Variants in KYAT3 observed in about 807,000 individuals in gnomAD.
The protein encoded by KYAT3 is kynurenine aminotransferase 3.
In KYAT3, 50 loss-of-function variants were observed where a neutral mutation model predicts 59.0. The observed-to-expected ratio is 0.85, with a 90% CI of 0.68 to 1.07. The LOEUF is 1.07. Among genes scored for constraint, KYAT3 ranks in the 50% least tolerant of loss-of-function variants. The probability of loss-of-function intolerance (pLI) is 0.00; values close to 1 mark genes in which losing one functional copy is unlikely to be tolerated. For synonymous variants in KYAT3, 148 were observed against 177.0 expected (o/e 0.84, Z 1.30); for missense variants, 497 against 533.3 (o/e 0.93, Z 0.67).
At chr1:88,926,907 T>C in the KYAT3 span, among the ~76,000 whole-genome samples, 1 of 152,124 alleles carries the variant, frequency 6.6e-6, no homozygotes, top group African/African-American at 2.4e-5. Flanking sequence ...TGTTATGAAA[T>C]ACTCAGGAAC....
rs145512545 is a variant in KYAT3, at chr1:88,979,916, C to T, written c.99+8336G>A. 48 of 152,238 alleles carry T rather than the reference C, an allele frequency of 3.2e-4. No individual in the cohort carries two copies. In the East Asian group the frequency reaches 9.3e-3, roughly 29 times the overall value. 9.4% of individuals were successfully genotyped at this position (152,238 alleles called of 1,614,324 possible). On this transcript the variant is annotated intron_variant, in intron 2 of 13. Transcript: ENST00000260508. ...CAGTAGCCCCAAACTGGAAACAATC[C>T]CAAGGTCCATCAACAGGTGAGTAGA...
In KYAT3 at chr1:88,965,107, T is replaced by G. The variant is rs1676296272; in HGVS notation, c.304-129A>C. ...ATGTTTATAATTACCCCAAGAAAAT[T>G]TATATTTTTTAATGGCAATAAATTT... On this transcript the variant is annotated intron_variant, in intron 4 of 13. Transcript: ENST00000260508. 5 of 658,410 alleles carry G rather than the reference T, an allele frequency of 7.6e-6. No homozygotes were observed. In the East Asian group the frequency reaches 1.6e-4, roughly 21 times the overall value. 40.8% of individuals were successfully genotyped at this position (658,410 alleles called of 1,614,324 possible). A position where few individuals can be genotyped will look rare whatever the true frequency, so the allele number is the denominator to read the frequency against.
At chr1:88,945,668 G>A (rs1319183911) in intron 11 of KYAT3, among the ~76,000 whole-genome samples, 1 of 152,110 alleles carries the variant, frequency 6.6e-6, no homozygotes, top group Non-Finnish European at 1.5e-5. Flanking sequence ...TAATTGTAAA[G>A]GGAAGTCATT....
At chr1:88,986,391 C>T (rs904436118) in intron 2 of KYAT3, among the ~76,000 whole-genome samples, 26 of 151,124 alleles carry the variant, frequency 1.7e-4, no homozygotes, top group African/African-American at 5.1e-4. Context: ...TTTGGGAGGC[C>T]GAGGCAGGTG....
chr1:88,983,356 A>G, intron 2 of KYAT3: 1 of 1,613,518 alleles, frequency 6.2e-7, no homozygotes, highest in Non-Finnish European at 8.5e-7. Flanking sequence ...AAGGACCCCC[A>G]CTTCTTGGTG....
chr1:88,970,688 A>T (rs1676524736), intron 2 of KYAT3, among the ~76,000 whole-genome samples: 1 of 152,200 alleles, frequency 6.6e-6, no homozygotes, highest in African/African-American at 2.4e-5. Context: ...TTAGTTCTTT[A>T]GATTCTAAAA....
chr1:88,982,578 T>C (rs1557705147), intron 2 of KYAT3: 7 of 1,509,002 alleles, frequency 4.6e-6, no homozygotes, highest in Non-Finnish European at 6.2e-6. Context: ...AGTCCTTGGG[T>C]AGTTATGATA....
intron 4 of KYAT3, among the ~76,000 whole-genome samples, chr1:88,965,230 T>C (rs544434465): frequency 2.4e-4 from 36 of 152,338 alleles, no homozygotes; most frequent in Admixed American, 5.2e-4. Context: ...TGGGATTATA[T>C]AATTTCAAAG....
At position 88,954,236 on chromosome 1, in the gene KYAT3, G is replaced by A. The variant is rs180978364; in HGVS notation, c.864+913C>T. Among the ~76,000 whole-genome samples, 106 of 152,272 alleles carry A rather than the reference G, an allele frequency of 7.0e-4. 1 individual carries two copies. The highest frequency in any genetic ancestry group is 2.4e-3 in the African/African-American group (99 of 41,546). ...TCTTACCCATGCTCAGGAGAGGTGA[G>A]GCTGGAAGAGAATTGGGTTTTAACT... is the stretch of plus-strand genomic sequence containing the variant. On this transcript the variant is annotated intron_variant, in intron 9 of 13. Transcript: ENST00000260508.
Position 88,949,080 on chromosome 1 carries a change from C to G in KYAT3, c.1141+11G>C. ...TTCCGTATAGTTGAAATAATAAAAG[C>G]CTTTACAAACCTAGCAAAGACACAT... On this transcript the variant is annotated intron_variant, in intron 11 of 13. Coordinates refer to ENST00000260508, the MANE Select transcript of KYAT3 (RefSeq NM_001008661.3). 1.3e-6 allele frequency: 2 copies of G among 1,518,342 alleles called. No homozygotes were observed. The highest frequency in any genetic ancestry group is 1.8e-4 in the Middle Eastern group (1 of 5,684). 94.1% of individuals were successfully genotyped at this position (1,518,342 alleles called of 1,614,324 possible).
At chr1:88,943,479 T>C (rs1269953864) in intron 11 of KYAT3, 56 bp from the exon 12 acceptor site, 19 of 873,962 alleles carry the variant, frequency 2.2e-5, no homozygotes, top group Non-Finnish European at 3.5e-5. Context: ...GCAACATGTA[T>C]TTCATTTAAG....
chr1:88,969,163 A>C (rs750634680), intron 3 of KYAT3, among the ~76,000 whole-genome samples: 3 of 152,244 alleles, frequency 2.0e-5, no homozygotes, highest in Non-Finnish European at 2.9e-5. Flanking sequence ...GTTAAGTTCC[A>C]TGAGGGCATT....
chr1:88,942,967 A>T (rs746633221), intron 13 of KYAT3, 38 bp downstream of exon 13: 12 of 1,287,690 alleles, frequency 9.3e-6, no homozygotes, highest in Admixed American at 3.7e-5. Context: ...TGAAATGAAG[A>T]TACTATATAT....
Position 88,961,242 on chromosome 1 carries a change from T to A in KYAT3, c.712A>T (p.Lys238Ter), listed in dbSNP as rs746171839. 6.2e-7 allele frequency: 1 copy of A among 1,613,648 alleles called. No individual in the cohort carries two copies. The highest frequency in any genetic ancestry group is 1.7e-5 in the Admixed American group (1 of 60,022). ...ELQVIADLCI[K>*]YDTLCISDEV... is the part of the protein sequence containing the mutation. ...TCGCTGATGCAGAGTGTGTCATATTTGATGCAAAGGTCAGCAATTACTTGC... is the reference window on the plus strand; with the variant it reads ...TCGCTGATGCAGAGTGTGTCATATTAGATGCAAAGGTCAGCAATTACTTGC... The change falls in exon 8 of 14, where the codon AAA (lysine) becomes TAA (stop). Residue 238 changes from lysine (K) to a stop codon, truncating the protein, a stop_gained. Transcript: ENST00000260508. LOFTEE classifies it high-confidence loss of function.
At chr1:88,972,286 A>G (rs1162407784) in intron 2 of KYAT3, among the ~76,000 whole-genome samples, 1 of 152,186 alleles carries the variant, frequency 6.6e-6, no homozygotes, top group Non-Finnish European at 1.5e-5. Context: ...CTGAAAGCCT[A>G]CTGATTTAAA....
intron 10 of KYAT3, among the ~76,000 whole-genome samples, chr1:88,952,517 C>T (rs1399469687): frequency 6.6e-6 from 1 of 152,088 alleles, no homozygotes; most frequent in Non-Finnish European, 1.5e-5. Context: ...GTTGCACCTC[C>T]CCACTTCTCT....
Position 88,961,511 on chromosome 1 carries a change from G to A in KYAT3, c.541-5C>T, listed in dbSNP as rs1676146069. Reference sequence around the variant, plus strand: ...TCTTTTTCCATAAACAGGTTTCTAAGCATGAAGAATGAAGATATAATTTAA... The same window carrying A: ...TCTTTTTCCATAAACAGGTTTCTAAACATGAAGAATGAAGATATAATTTAA... On this transcript the variant is annotated splice_polypyrimidine_tract_variant and splice_region_variant and intron_variant, in intron 6 of 13. Transcript: ENST00000260508. The A allele has an allele frequency of 1.9e-6, 3 of 1,606,350 alleles. No homozygotes were observed. Among genetic ancestry groups the A allele is most frequent in the South Asian group, 2.2e-5 (2 of 90,108 alleles).
In KYAT3 at chr1:88,988,380, G is replaced by C. The variant is rs41288373; in HGVS notation, c.-1-29C>G. 9.2e-3 allele frequency: 12,737 copies of C among 1,378,644 alleles called. 100 individuals carry two copies. Among genetic ancestry groups the C allele is most frequent in the South Asian group, 0.024 (2,006 of 85,040 alleles). 85.4% of individuals were successfully genotyped at this position (1,378,644 alleles called of 1,614,324 possible). On this transcript the variant is annotated intron_variant, in intron 1 of 13. Transcript: ENST00000260508. ...TTAAATAAAAGAAAAATTGAGAAGA[G>C]GAATAAATATATGATGGGTACATCA...
intron 13 of KYAT3, among the ~76,000 whole-genome samples, chr1:88,939,285 GCTTT>G (rs1675151089): frequency 6.6e-6 from 1 of 152,054 alleles, no homozygotes; most frequent in Non-Finnish European, 1.5e-5. Context: ...AATTCAAACT[GCTTT>G]CTTTCAATTT....
Sources: allele counts gnomAD v4.1 joint callset (sites outside exome capture counted in the v4.1 genomes callset), GRCh38; gene constraint gnomAD v4.1.1; transcripts MANE v1.5; gene names NCBI Gene and HGNC (gene_info 2026-07-23, HGNC 2026-07-21).